The following CCDC146 variants were observed in gnomAD, a reference collection of about 807,000 sequenced individuals.
CCDC146 encodes coiled-coil domain-containing protein 146.
CCDC146 carries 92 observed loss-of-function variants against 119.3 expected under a neutral mutation model. The observed-to-expected ratio is 0.77, with a 90% CI of 0.65 to 0.92. CCDC146 has a LOEUF of 0.92. Among genes scored for constraint, CCDC146 ranks in the 40% least tolerant of loss-of-function variants. CCDC146 has a pLI of 0.00. For synonymous variants in CCDC146, 372 were observed against 371.8 expected, an observed-to-expected ratio of 1.00 and a Z score of -0.01; for missense variants, 1,000 against 1,103.0, an observed-to-expected ratio of 0.91 and a Z score of 1.32.
At chr7:77,224,917 G>A (rs936863279) in intron 2 of CCDC146, among the ~76,000 whole-genome samples, 10 of 152,210 alleles carry the variant, frequency 6.6e-5, no homozygotes, top group African/African-American at 2.4e-4. Flanking sequence ...GTTGCTGAGT[G>A]ATGAAAGGGG....
chr7:77,179,608 T>C (rs1232164384), intron 2 of CCDC146, among the ~76,000 whole-genome samples: 2 of 152,176 alleles, frequency 1.3e-5, no homozygotes, highest in African/African-American at 2.4e-5. Context: ...CAGATAATGA[T>C]AGAGTGACTA....
At chr7:77,239,042 G>C (rs1489575421) in intron 3 of CCDC146, among the ~76,000 whole-genome samples, 2 of 152,182 alleles carry the variant, frequency 1.3e-5, no homozygotes, top group Non-Finnish European at 2.9e-5. Flanking sequence ...CAGCTGGGCA[G>C]ATATAGCCTG....
chr7:77,292,767 C>A (rs903816351), intron 17 of CCDC146, among the ~76,000 whole-genome samples, 185 bp from the exon 18 acceptor site: 3 of 152,104 alleles, frequency 2.0e-5, no homozygotes, highest in Non-Finnish European at 4.4e-5. Flanking sequence ...TCCTTACTTA[C>A]ACAGCCAGGG....
Position 77,266,826 on chromosome 7 carries a change from C to T in CCDC146, c.1173+4519C>T, listed in dbSNP as rs141440076. Among the ~76,000 whole-genome samples the T allele has an allele frequency of 2.2e-3, 328 of 152,242 alleles. 1 individual carries two copies. Among genetic ancestry groups the T allele is most frequent in the African/African-American group, 7.1e-3 (293 of 41,528 alleles). On this transcript the variant is annotated intron_variant, in intron 9 of 18. Coordinates refer to ENST00000285871, the MANE Select transcript of CCDC146 (RefSeq NM_020879.3). The stretch of plus-strand genomic sequence containing the variant: ...TCTTAAGTGACACATTCATGTGTCA[C>T]TCACCTGCTCAAGACATTCAATGGA...
intron 1 of CCDC146, among the ~76,000 whole-genome samples, chr7:77,139,164 A>C (rs1304363678): frequency 1.3e-5 from 2 of 152,238 alleles, no homozygotes; most frequent in Admixed American, 1.3e-4. Context: ...AGATGATGGA[A>C]TATTATTCAG....
intron 2 of CCDC146, among the ~76,000 whole-genome samples, chr7:77,224,585 G>A (rs1792469188): frequency 1.3e-5 from 2 of 152,124 alleles, no homozygotes; most frequent in Non-Finnish European, 2.9e-5. Context: ...CACATCCTGG[G>A]GGATGCGGGA....
At chr7:77,277,025 T>C (rs1793660312) in intron 11 of CCDC146, among the ~76,000 whole-genome samples, 1 of 151,860 alleles carries the variant, frequency 6.6e-6, no homozygotes, top group Non-Finnish European at 1.5e-5. Flanking sequence ...TGAGCTGAGA[T>C]TGCGCCACTG....
intron 2 of CCDC146, among the ~76,000 whole-genome samples, chr7:77,210,180 G>T (rs1792156203): frequency 6.6e-6 from 1 of 152,174 alleles, no homozygotes. Flanking sequence ...TTAAATATAA[G>T]TTCCAATTTC....
chr7:77,220,171 AT>A (rs1215340689), intron 2 of CCDC146, among the ~76,000 whole-genome samples: 2 of 152,150 alleles, frequency 1.3e-5, no homozygotes, highest in Non-Finnish European at 2.9e-5. Context: ...CAGAGCAGCC[AT>A]TTTAGAGGCT....
intron 2 of CCDC146, 97 bp downstream of exon 2, chr7:77,167,921 C>G (rs1791362238): frequency 6.8e-7 from 1 of 1,462,156 alleles, no homozygotes; most frequent in Admixed American, 2.1e-5. Flanking sequence ...TTCTTTATTA[C>G]ATATATCCTG....
chr7:77,286,761 A>T, intron 15 of CCDC146, 37 bp from the exon 16 acceptor site: 1 of 1,606,328 alleles, frequency 6.2e-7, no homozygotes, highest in Non-Finnish European at 8.5e-7. Context: ...ACTGAGCTAG[A>T]GCGTTCATTT....
At chr7:77,236,539 T>G (rs1418048727) in intron 2 of CCDC146, among the ~76,000 whole-genome samples, 1 of 152,232 alleles carries the variant, frequency 6.6e-6, no homozygotes, top group Non-Finnish European at 1.5e-5. Context: ...TTTTTAAGAA[T>G]GAAATAACTG....
At chr7:77,186,898 A>G (rs972300396) in intron 2 of CCDC146, among the ~76,000 whole-genome samples, 1 of 152,208 alleles carries the variant, frequency 6.6e-6, no homozygotes, top group Non-Finnish European at 1.5e-5. Flanking sequence ...TCTTGTTTGA[A>G]TGCAATTTGA....
chr7:77,196,658 G>A lies in CCDC146; in HGVS notation c.156+28834G>A, dbSNP rs868604891. ...AGCCACATAAAACTGATCATACAAG[G>A]CATATAGTTCGACACCATTAAAGTC... On this transcript the variant is annotated intron_variant, in intron 2 of 18. Transcript: ENST00000285871. The surrounding 1 kb of genome is among the most constrained non-coding windows in gnomAD (Gnocchi z 4.2). 6.2e-7 allele frequency: 1 copy of A among 1,613,918 alleles called. No homozygotes were observed. Among genetic ancestry groups the A allele is most frequent in the Admixed American group, 1.7e-5 (1 of 60,014 alleles).
At chr7:77,133,739 T>G (rs955446379) in intron 1 of CCDC146, among the ~76,000 whole-genome samples, 1 of 150,720 alleles carries the variant, frequency 6.6e-6, no homozygotes, top group African/African-American at 2.4e-5. Context: ...GCTTCTGGTT[T>G]GGGGTTCTTC....
intron 2 of CCDC146, chr7:77,198,175 G>T (rs1791911561): frequency 2.0e-6 from 2 of 985,330 alleles, no homozygotes; most frequent in Non-Finnish European, 2.4e-6. Context: ...GATGCAGGCT[G>T]CCAGGAGTAT....
rs1349158761 is a variant in CCDC146 at position 77,225,565 on chromosome 7, C to A, written c.157-11382C>A. On this transcript the variant is annotated intron_variant, in intron 2 of 18. Coordinates refer to ENST00000285871, the MANE Select transcript of CCDC146 (RefSeq NM_020879.3). Reference sequence around the variant, plus strand: ...CAAGACTTTGCCTTAAAAAAAAAAACAAAAACTAGCAGAGCTATAATTCAA... The same window carrying A: ...CAAGACTTTGCCTTAAAAAAAAAAAAAAAAACTAGCAGAGCTATAATTCAA... 4.6e-5 allele frequency among the ~76,000 whole-genome samples: 7 copies of A among 150,828 alleles called. No individual in the cohort carries two copies. In the South Asian group the frequency reaches 6.3e-4, roughly 14 times the overall value.
chr7:77,130,289 C>T (rs879355769), intron 1 of CCDC146, among the ~76,000 whole-genome samples: 3 of 151,968 alleles, frequency 2.0e-5, no homozygotes, highest in Non-Finnish European at 4.4e-5. Context: ...GTCTTATAAA[C>T]GCATCCCATG....
intron 2 of CCDC146, among the ~76,000 whole-genome samples, chr7:77,236,170 A>G (rs892482868): frequency 4.6e-5 from 7 of 152,232 alleles, no homozygotes; most frequent in Admixed American, 2.6e-4. Flanking sequence ...AGTTGAAGTC[A>G]AACCTAATAC....
Sources: gnomAD v4.1 joint callset for allele counts (sites outside exome capture counted in the v4.1 genomes callset) on GRCh38, gnomAD v4.1.1 for gene constraint, Gnocchi (gnomAD v3.1) non-coding constraint, MANE v1.5 for transcripts, NCBI Gene and HGNC (gene_info 2026-07-23, HGNC 2026-07-21) for gene names.